TENM2: variants seen among roughly 807,000 people sequenced by gnomAD.
TENM2 encodes teneurin transmembrane protein 2, also known as teneurin-2.
Under a neutral mutation model 245.2 loss-of-function variants are expected in TENM2, and 52 were observed. The observed-to-expected ratio is 0.21, with a 90% CI of 0.17 to 0.27. The LOEUF (loss-of-function observed/expected upper bound fraction) is 0.27. Among genes scored for constraint, TENM2 ranks in the 10% least tolerant of loss-of-function variants. TENM2 has a pLI of 1.00. For synonymous variants in TENM2, 1,363 were observed against 1,438.9 expected (o/e 0.95, Z 1.19); for missense variants, 3,046 against 3,666.8 (o/e 0.83, Z 4.37).
chr5:167,001,842 A>C, the TENM2 span, among the ~76,000 whole-genome samples: 1 of 151,698 alleles, frequency 6.6e-6, no homozygotes, highest in Non-Finnish European at 1.5e-5. Context: ...CTTTTTTTTT[A>C]ATGTAGGCAA....
At chr5:168,159,401 C>A (rs1757539748) in intron 12 of TENM2, among the ~76,000 whole-genome samples, 1 of 152,170 alleles carries the variant, frequency 6.6e-6, no homozygotes, top group African/African-American at 2.4e-5. Context: ...TAGGAGACTT[C>A]TTGGGTGCCC....
intron 2 of TENM2, among the ~76,000 whole-genome samples, chr5:167,694,062 T>C (rs1007354892): frequency 2.6e-5 from 4 of 152,214 alleles, no homozygotes; most frequent in African/African-American, 9.6e-5. Flanking sequence ...AAATCTCAAG[T>C]TGAGATTTTA....
At chr5:167,420,476 T>C (rs1171080468) in intron 2 of TENM2, among the ~76,000 whole-genome samples, 9 of 151,988 alleles carry the variant, frequency 5.9e-5, no homozygotes, top group Non-Finnish European at 1.3e-4. Context: ...CCTCACCTCC[T>C]ACCAGTATTC....
At chr5:167,155,205 A>T in the TENM2 span, among the ~76,000 whole-genome samples, 44 of 152,376 alleles carry the variant, frequency 2.9e-4, no homozygotes, top group East Asian at 4.2e-3. Context: ...GAGTTCACGT[A>T]TTCGGCAACC....
intron 2 of TENM2, among the ~76,000 whole-genome samples, chr5:167,840,707 A>G (rs1298931271): frequency 2.6e-5 from 4 of 152,226 alleles, no homozygotes; most frequent in Admixed American, 2.6e-4. Context: ...ACACCAGAAT[A>G]AAAGAAACAT....
At chr5:167,596,490 A>G (rs1426336151) in intron 2 of TENM2, among the ~76,000 whole-genome samples, 1 of 152,164 alleles carries the variant, frequency 6.6e-6, no homozygotes, top group Non-Finnish European at 1.5e-5. Flanking sequence ...GTTAATGGTA[A>G]AAAATAAAAA....
At chr5:168,204,060 C>T (rs1432132018) in intron 18 of TENM2, among the ~76,000 whole-genome samples, 1 of 151,730 alleles carries the variant, frequency 6.6e-6, no homozygotes, top group Non-Finnish European at 1.5e-5. Flanking sequence ...CTCTGTCATC[C>T]AGAGTGTATG....
chr5:167,996,719 T>TTCTGTTTGTTTG (rs1554168653), intron 5 of TENM2, among the ~76,000 whole-genome samples: 2 of 150,870 alleles, frequency 1.3e-5, no homozygotes, highest in African/African-American at 2.4e-5. Flanking sequence ...TTGAATCACT[T>TTCTGTTTGTTTG]TTTGTTTGTT....
chr5:168,143,814 T>C (rs1192514108), intron 12 of TENM2, among the ~76,000 whole-genome samples: 1 of 150,984 alleles, frequency 6.6e-6, no homozygotes, highest in Non-Finnish European at 1.5e-5. Context: ...TCTGAGCTAA[T>C]ATTAACTAGA....
intron 2 of TENM2, among the ~76,000 whole-genome samples, chr5:167,578,464 C>T (rs1324898057): frequency 6.6e-6 from 1 of 152,216 alleles, no homozygotes; most frequent in East Asian, 1.9e-4. Context: ...CTGCAGATGT[C>T]ATGCCCTCAT....
At chr5:167,086,915 TCTAA>T in the TENM2 span, among the ~76,000 whole-genome samples, 1 of 135,194 alleles carries the variant, frequency 7.4e-6, no homozygotes, top group East Asian at 2.1e-4. Flanking sequence ...TCTAGGAAAC[TCTAA>T]CACACACACG....
chr5:168,112,616 G>GT, intron 9 of TENM2, among the ~76,000 whole-genome samples: 1 of 102,260 alleles, frequency 9.8e-6, no homozygotes. Flanking sequence ...CGGGGGGGGG[G>GT]TCAAACTTTA....
intron 3 of TENM2, among the ~76,000 whole-genome samples, chr5:167,885,635 A>T (rs1279659448): frequency 2.0e-5 from 3 of 152,178 alleles, no homozygotes. Flanking sequence ...TGTCCAAAAA[A>T]CAAAAATACA....
chr5:167,292,427 A>G (rs1754691791), intron 1 of TENM2, among the ~76,000 whole-genome samples: 1 of 152,118 alleles, frequency 6.6e-6, no homozygotes, highest in Admixed American at 6.6e-5. Context: ...ACCACATCAC[A>G]CCTATTATTC....
chr5:167,757,871 C>T (rs1291360411), intron 2 of TENM2, among the ~76,000 whole-genome samples: 2 of 152,106 alleles, frequency 1.3e-5, no homozygotes, highest in East Asian at 3.9e-4. Flanking sequence ...AGAAAGAGAA[C>T]AAGGGGTTTC....
At chr5:168,228,874 A>T (rs1347507336) in intron 25 of TENM2, among the ~76,000 whole-genome samples, 1 of 148,140 alleles carries the variant, frequency 6.8e-6, no homozygotes, top group African/African-American at 2.5e-5. Context: ...TATAATTATT[A>T]TATAATGTAA....
intron 1 of TENM2, among the ~76,000 whole-genome samples, chr5:167,289,259 T>G (rs1437988774): frequency 4.6e-5 from 7 of 152,220 alleles, no homozygotes; most frequent in African/African-American, 1.4e-4. Context: ...AAGGTGTCAC[T>G]ATCTAAATGA....
In TENM2 at chr5:168,225,248, T is replaced by A. The variant is rs543829449; in HGVS notation, c.5109-840T>A. ...GCTGAGCCAATTTGTGCAGGTGGCA[T>A]TTGGCACAGGCTGATTGTCCAGAGG... On this transcript the variant is annotated intron_variant, in intron 23 of 28. Coordinates refer to ENST00000518659, the Ensembl canonical transcript of TENM2. Among the ~76,000 whole-genome samples, 3 of 152,280 alleles carry A rather than the reference T, an allele frequency of 2.0e-5. No homozygotes were observed. In the South Asian group the frequency reaches 6.2e-4, roughly 32 times the overall value.
At chr5:167,858,053 A>G (rs1257113646) in intron 2 of TENM2, among the ~76,000 whole-genome samples, 3 of 152,224 alleles carry the variant, frequency 2.0e-5, no homozygotes, top group African/African-American at 7.2e-5. Context: ...CTTTGACTTC[A>G]TCTAGATCAT....
Sources: gnomAD v4.1 joint callset for allele counts (sites outside exome capture counted in the v4.1 genomes callset) on GRCh38, gnomAD v4.1.1 for gene constraint, MANE v1.5 for transcripts, NCBI Gene and HGNC (gene_info 2026-07-23, HGNC 2026-07-21) for gene names.